LOXL2: variants seen among roughly 807,000 people sequenced by gnomAD.
LOXL2 encodes the protein lysyl oxidase homolog 2.
A neutral mutation model predicts 93.0 loss-of-function variants in LOXL2; 70 were observed. That is an observed-to-expected ratio of 0.75 (90% CI 0.62 to 0.92). LOXL2 has a LOEUF of 0.92. Among genes scored for constraint, LOXL2 ranks in the 40% least tolerant of loss-of-function variants. The pLI, the probability that LOXL2 is intolerant of heterozygous loss-of-function variation, is 0.00. For synonymous variants in LOXL2, 438 were observed against 413.2 expected (o/e 1.06, Z -0.73); for missense variants, 973 against 1,054.9 (o/e 0.92, Z 1.08).
chr8:23,399,566 G>A (rs1214185124), intron 1 of LOXL2, among the ~76,000 whole-genome samples: 4 of 152,160 alleles, frequency 2.6e-5, no homozygotes, highest in Admixed American at 2.6e-4. Flanking sequence ...CGATGGTCCT[G>A]CATCACCTTG....
In LOXL2 at chr8:23,316,854, G is replaced by A. The variant is rs940903055; in HGVS notation, c.1636+95C>T. 8.8e-5 allele frequency: 110 copies of A among 1,246,132 alleles called. 1 individual carries two copies. Among genetic ancestry groups the A allele is most frequent in the Middle Eastern group, 2.6e-4 (1 of 3,790 alleles). 77.2% of individuals were successfully genotyped at this position (1,246,132 alleles called of 1,614,324 possible). A position where few individuals can be genotyped will look rare whatever the true frequency, so the allele number is the denominator to read the frequency against. ...TTCATTCTACCTTCCTCTATTGCTT[G>A]GCTCATGGCAAGGCTTCAGAGTCTC... On this transcript the variant is annotated intron_variant, in intron 9 of 13. Coordinates refer to ENST00000389131, the MANE Select transcript of LOXL2 (RefSeq NM_002318.3).
chr8:23,309,795 C>T lies in LOXL2; in HGVS notation c.1753G>A (p.Ala585Thr), dbSNP rs376680910. The T allele has an allele frequency of 2.0e-5, 32 of 1,603,554 alleles. No individual in the cohort carries two copies. The highest frequency in any genetic ancestry group is 1.0e-4 in the Admixed American group (6 of 58,258). The change falls in exon 10 of 14, where the codon GCG becomes ACG. Residue 585 changes from alanine (A) to threonine (T), a missense_variant. Physicochemically the swap from Ala to Thr is moderately conservative, Grantham distance 58 (BLOSUM62 0). Transcript: ENST00000389131. ...TAGCCCGTGGTGGGGTCGGTCTGCGCGGCTGAGGCCGAGAGGCAGTTCTCC... is the reference window on the plus strand; with the variant it reads ...TAGCCCGTGGTGGGGTCGGTCTGCGTGGCTGAGGCCGAGAGGCAGTTCTCC... ...MEENCLSASA[A>T]QTDPTTGYRR... is the part of the protein sequence containing the mutation.
At chr8:23,349,636 T>C (rs1224517894) in intron 3 of LOXL2, among the ~76,000 whole-genome samples, 2 of 152,088 alleles carry the variant, frequency 1.3e-5, no homozygotes, top group Non-Finnish European at 2.9e-5. Flanking sequence ...CATTGAGTTC[T>C]TGGCTTATAC....
At chr8:23,346,205 TA>T (rs139242619) in intron 3 of LOXL2, among the ~76,000 whole-genome samples, 10 of 80,962 alleles carry the variant, frequency 1.2e-4, no homozygotes, top group African/African-American at 5.9e-4. Context: ...TAAAATAAAA[TA>T]AATAAAATAA....
At chr8:23,316,256 A>AC (rs1205930286) in intron 9 of LOXL2, among the ~76,000 whole-genome samples, 1 of 152,236 alleles carries the variant, frequency 6.6e-6, no homozygotes, top group African/African-American at 2.4e-5. Context: ...ACAGAGGCTG[A>AC]CACGCTTTTC....
rs1219621037 is a variant in LOXL2 at position 23,380,391 on chromosome 8, C to CAAAA, written c.-83-11961_-83-11958dup. ...CTCGTGACAGAGCGAGACTCCGTCT[C>CAAAA]AAAAAAAAAAAAAAAAAAAAGACAT... is the stretch of plus-strand genomic sequence containing the variant. On this transcript the variant is annotated intron_variant, in intron 1 of 13. Transcript: ENST00000389131. Among the ~76,000 whole-genome samples, 364 of 54,220 alleles carry CAAAA rather than the reference C, an allele frequency of 6.7e-3. 12 individuals are homozygous for CAAAA. Among genetic ancestry groups the CAAAA allele is most frequent in the African/African-American group, 0.016 (193 of 12,238 alleles). 35.6% of individuals were successfully genotyped at this position (54,220 alleles called of 152,430 possible).
intron 11 of LOXL2, 81 bp from the exon 12 acceptor site, chr8:23,302,244 T>G: frequency 6.4e-7 from 1 of 1,559,806 alleles, no homozygotes; most frequent in Non-Finnish European, 8.8e-7. Flanking sequence ...CCAAGGCCCC[T>G]ACCGCTGCTT....
intron 1 of LOXL2, among the ~76,000 whole-genome samples, chr8:23,375,302 T>G (rs1804570197): frequency 6.6e-6 from 1 of 152,178 alleles, no homozygotes; most frequent in Admixed American, 6.6e-5. Context: ...TCCACTGGTC[T>G]ATATCTCTGT....
chr8:23,348,551 G>C (rs1487143283), intron 3 of LOXL2, among the ~76,000 whole-genome samples: 1 of 152,120 alleles, frequency 6.6e-6, no homozygotes, highest in Admixed American at 6.6e-5. Flanking sequence ...CTGGGTGACA[G>C]AGCGAGATCT....
chr8:23,348,555 G>A (rs1804031993), intron 3 of LOXL2, among the ~76,000 whole-genome samples: 1 of 151,250 alleles, frequency 6.6e-6, no homozygotes. Flanking sequence ...GTGACAGAGC[G>A]AGATCTTCTA....
intron 5 of LOXL2, 144 bp from the exon 6 acceptor site, chr8:23,328,709 A>ATGTATGTGTGTGTGTGTGTGTGTGTG (rs1803628166): frequency 4.6e-6 from 2 of 433,848 alleles, no homozygotes; most frequent in African/African-American, 4.8e-5. Context: ...TGATGTATGG[A>ATGTATGTGTGTGTGTGTGTGTGTGTG]TGTGTGTGTG....
At chr8:23,360,620 CTTT>C (rs1169594989) in intron 2 of LOXL2, among the ~76,000 whole-genome samples, 5 of 152,136 alleles carry the variant, frequency 3.3e-5, no homozygotes, top group Non-Finnish European at 7.3e-5. Flanking sequence ...GTCAAGGGCC[CTTT>C]TTCTTATCAG....
rs534524067 is a variant in LOXL2, at chr8:23,388,568, G to A, written c.-84+15386C>T. On this transcript the variant is annotated intron_variant, in intron 1 of 13. Transcript: ENST00000389131. ...CACTGCACTCCAGTCCAGCCTGGGC[G>A]ACAGAGCTGGGACTTGTCTCCAAGA... is the stretch of plus-strand genomic sequence containing the variant. Among the ~76,000 whole-genome samples, 22 of 150,762 alleles carry A rather than the reference G, an allele frequency of 1.5e-4. No individual in the cohort carries two copies. In the South Asian group the frequency reaches 1.5e-3, roughly 10 times the overall value.
intron 3 of LOXL2, among the ~76,000 whole-genome samples, chr8:23,356,726 C>G (rs1199020019): frequency 2.0e-5 from 3 of 152,188 alleles, no homozygotes; most frequent in Non-Finnish European, 2.9e-5. Context: ...GTCTGACAGC[C>G]AGAGGGAGGC....
intron 8 of LOXL2, among the ~76,000 whole-genome samples, 162 bp downstream of exon 8, chr8:23,319,723 C>T (rs778082715): frequency 1.6e-4 from 24 of 152,158 alleles, no homozygotes; most frequent in East Asian, 5.8e-4. Flanking sequence ...TAAGGAGCAG[C>T]GCTGTGGCCA....
intron 8 of LOXL2, among the ~76,000 whole-genome samples, chr8:23,318,219 A>G (rs10111946): frequency 0.14 from 21,893 of 151,180 alleles, 2,504 homozygotes; most frequent in African/African-American, 0.3. Context: ...CCAAGGAAGA[A>G]GCCATTCTGA....
At chr8:23,372,041 G>A (rs954858649) in intron 1 of LOXL2, among the ~76,000 whole-genome samples, 1 of 151,750 alleles carries the variant, frequency 6.6e-6, no homozygotes, top group African/African-American at 2.4e-5. Flanking sequence ...ATCCAAAATT[G>A]AAGCAATAAA....
chr8:23,353,227 T>A (rs1804126162), intron 3 of LOXL2, among the ~76,000 whole-genome samples: 1 of 152,096 alleles, frequency 6.6e-6, no homozygotes, highest in African/African-American at 2.4e-5. Context: ...CCAACTGGTC[T>A]ACCCGCCACA....
Position 23,376,645 on chromosome 8 carries a change from A to G in LOXL2, c.-83-8211T>C, listed in dbSNP as rs1401431134. 1.2e-4 allele frequency among the ~76,000 whole-genome samples: 19 copies of G among 152,102 alleles called. 1 individual carries two copies. The highest frequency in any genetic ancestry group is 5.9e-4 in the Admixed American group (9 of 15,270). On this transcript the variant is annotated intron_variant, in intron 1 of 13. Coordinates refer to ENST00000389131, the MANE Select transcript of LOXL2 (RefSeq NM_002318.3). ...TGTTATTGGTCTATTCAGGGATTCA[A>G]CTTCTTCCTGGTTTAGTCTTGGGAG...
Sources: allele counts gnomAD v4.1 joint callset (sites outside exome capture counted in the v4.1 genomes callset), GRCh38; gene constraint gnomAD v4.1.1; transcripts MANE v1.5; gene names NCBI Gene and HGNC (gene_info 2026-07-23, HGNC 2026-07-21).